KAT6A: variants seen among roughly 807,000 people sequenced by gnomAD.
The protein encoded by KAT6A is lysine acetyltransferase 6A.
In KAT6A, 9 loss-of-function variants were observed where a neutral mutation model predicts 198.4. That is an observed-to-expected ratio of 0.05 (90% CI 0.03 to 0.08). The LOEUF is 0.08. Ranked by LOEUF, KAT6A falls within the 10% of genes least tolerant of loss-of-function variation. The probability of loss-of-function intolerance (pLI) is 1.00; values close to 1 mark genes in which losing one functional copy is unlikely to be tolerated. For missense variants in KAT6A, 2,077 were observed against 2,509.9 expected (o/e 0.83, Z 3.69); for synonymous variants, 890 against 883.0 (o/e 1.01, Z -0.14).
intron 2 of KAT6A, among the ~76,000 whole-genome samples, chr8:41,999,831 T>C (rs1330936834): frequency 1.1e-4 from 16 of 152,244 alleles, no homozygotes; most frequent in Admixed American, 9.2e-4. Context: ...TTAAGCAAGT[T>C]ACTTAAGTGT....
intron 2 of KAT6A, among the ~76,000 whole-genome samples, chr8:42,036,417 C>T (rs1352219933): frequency 1.3e-5 from 2 of 152,022 alleles, no homozygotes; most frequent in Non-Finnish European, 1.5e-5. Context: ...TCAAGACCAG[C>T]CTAGCCAACA....
chr8:41,985,075 G>C (rs1402415429), intron 3 of KAT6A, among the ~76,000 whole-genome samples: 1 of 151,592 alleles, frequency 6.6e-6, no homozygotes, highest in Non-Finnish European at 1.5e-5. Flanking sequence ...CAAATATAAT[G>C]CTACTTAGAC....
intron 14 of KAT6A, chr8:41,942,568 A>G (rs1822192792): frequency 1.8e-6 from 1 of 540,966 alleles, no homozygotes. Flanking sequence ...CAAGTAACAC[A>G]TTATAAGAAA....
intron 3 of KAT6A, among the ~76,000 whole-genome samples, chr8:41,986,760 G>A (rs575670091): frequency 9.2e-5 from 14 of 152,106 alleles, no homozygotes; most frequent in East Asian, 1.9e-4. Flanking sequence ...ACATATGGCC[G>A]GGTGTGGTGG....
intron 2 of KAT6A, among the ~76,000 whole-genome samples, chr8:42,003,297 G>A (rs371793604): frequency 2.0e-5 from 3 of 152,132 alleles, no homozygotes; most frequent in African/African-American, 4.8e-5. Context: ...CAGCAGCAGG[G>A]CAAGACATCT....
At chr8:41,989,569 A>T (rs538896602) in intron 2 of KAT6A, among the ~76,000 whole-genome samples, 9 of 152,184 alleles carry the variant, frequency 5.9e-5, no homozygotes, top group African/African-American at 1.9e-4. Flanking sequence ...ACGTAACATA[A>T]CATAACTAAA....
chr8:41,998,364 T>TTC (rs1434736326), intron 2 of KAT6A, among the ~76,000 whole-genome samples: 1 of 152,170 alleles, frequency 6.6e-6, no homozygotes, highest in Non-Finnish European at 1.5e-5. Flanking sequence ...TTGGAAAGTG[T>TTC]TCATACTTTG....
chr8:41,991,388 C>T (rs1438332121), intron 2 of KAT6A, among the ~76,000 whole-genome samples: 1 of 152,032 alleles, frequency 6.6e-6, no homozygotes, highest in African/African-American at 2.4e-5. Context: ...AGAATACATC[C>T]TGTACATTTT....
rs185068001 is a variant in KAT6A, at chr8:42,049,082, C to A, written c.-105G>T. On this transcript the variant is annotated 5_prime_UTR_variant, in exon 2 of 17. Coordinates refer to ENST00000265713, the MANE Select transcript of KAT6A (RefSeq NM_006766.5). Reference sequence around the variant, plus strand: ...TTCTCGGAGGCTGGGAACCAGTTAACCATAGCATATGAGTTTTCTGGCCTA... The same window carrying A: ...TTCTCGGAGGCTGGGAACCAGTTAAACATAGCATATGAGTTTTCTGGCCTA... 1,102 of 1,244,808 alleles carry A rather than the reference C, an allele frequency of 8.9e-4. No homozygotes were observed. Among genetic ancestry groups the A allele is most frequent in the South Asian group, 1.2e-3 (81 of 68,434 alleles). 77.1% of individuals were successfully genotyped at this position (1,244,808 alleles called of 1,614,324 possible).
intron 8 of KAT6A, among the ~76,000 whole-genome samples, chr8:41,972,961 G>A (rs1401517974): frequency 6.6e-6 from 1 of 152,194 alleles, no homozygotes; most frequent in African/African-American, 2.4e-5. Flanking sequence ...TAGCATGAAA[G>A]GAAACAAGCT....
intron 2 of KAT6A, among the ~76,000 whole-genome samples, chr8:42,024,010 T>C (rs971358008): frequency 1.2e-4 from 19 of 152,298 alleles, no homozygotes; most frequent in African/African-American, 4.6e-4. Context: ...GTGGTAACAA[T>C]GCCTTCTTTT....
At chr8:41,945,872 C>T (rs1418355683) in intron 12 of KAT6A, among the ~76,000 whole-genome samples, 1 of 151,636 alleles carries the variant, frequency 6.6e-6, no homozygotes, top group East Asian at 2.0e-4. Context: ...AGTAAAAATA[C>T]AAAAAAATTA....
rs1211908618 is a variant in KAT6A, at chr8:41,994,233, G to A, written c.601-6670C>T. Among the ~76,000 whole-genome samples, 8 of 152,204 alleles carry A rather than the reference G, an allele frequency of 5.3e-5. No homozygotes were observed. The East Asian group carries it at 5.8e-4, about 11-fold the overall frequency. ...CACACCATTAAACACAGCAGCCACA[G>A]TGAATCTGTTAAAAGGTAAATCAAA... On this transcript the variant is annotated intron_variant, in intron 2 of 16. Coordinates refer to ENST00000265713, the MANE Select transcript of KAT6A (RefSeq NM_006766.5).
At position 41,946,489 on chromosome 8, in the gene KAT6A, T is replaced by C. The variant is rs572267476; in HGVS notation, c.1996+102A>G. 689 of 453,840 alleles carry C rather than the reference T, an allele frequency of 1.5e-3. 6 individuals carry two copies. The highest frequency in any genetic ancestry group is 4.5e-3 in the African/African-American group (141 of 31,346). The allele number at this position is 453,840 out of a possible 1,614,324, so 28.1% of individuals were successfully genotyped here. A position where few individuals can be genotyped will look rare whatever the true frequency, so the allele number is the denominator to read the frequency against. ...GCACCTACAAATCTTTAAATATATA[T>C]ATATACACACACACACACACACACA... On this transcript the variant is annotated intron_variant, in intron 12 of 16. Coordinates refer to ENST00000265713, the MANE Select transcript of KAT6A (RefSeq NM_006766.5).
Position 41,977,226 on chromosome 8 carries a change from CCTT to C in KAT6A, c.1142_1144del (p.Glu381del), listed in dbSNP as rs1824101016. 1.9e-6 allele frequency: 3 copies of C among 1,614,136 alleles called. No individual in the cohort carries two copies. The highest frequency in any genetic ancestry group is 2.2e-5 in the East Asian group (1 of 44,884). On this transcript the variant is annotated inframe_deletion, in exon 7 of 17. Transcript: ENST00000265713. ...CAAGCCATCTATCCGCTCTAAATAT[CCTT>C]CTTCTGATGATGATGATGCTGATTG...
At chr8:41,964,740 G>A (rs1318686693) in intron 8 of KAT6A, among the ~76,000 whole-genome samples, 1 of 151,696 alleles carries the variant, frequency 6.6e-6, no homozygotes, top group Non-Finnish European at 1.5e-5. Context: ...CCATACCCAT[G>A]ATATTTAATT....
At chr8:42,045,398 T>C (rs1433866796) in intron 2 of KAT6A, among the ~76,000 whole-genome samples, 1 of 151,844 alleles carries the variant, frequency 6.6e-6, no homozygotes, top group Non-Finnish European at 1.5e-5. Flanking sequence ...CCGTCTCTAC[T>C]AAAAATACAA....
rs1371368759 is a variant in KAT6A, at chr8:41,934,266, A to C, written c.3954T>G (p.Asp1318Glu). Reference sequence around the variant, plus strand: ...TGGACTCCAGGTGGCCATCATCCTCATCATCAGCGTCGTGGTCGTCATTCT... The same window carrying C: ...TGGACTCCAGGTGGCCATCATCCTCCTCATCAGCGTCGTGGTCGTCATTCT... ...TAQNDDHDAD[D>E]EDDGHLESTK... The change falls in exon 17 of 17, where the codon GAT becomes GAG. Residue 1318 changes from aspartate to glutamate, a missense_variant. By Grantham distance (45) the Asp-to-Glu change is conservative. Coordinates refer to ENST00000265713, the MANE Select transcript of KAT6A (RefSeq NM_006766.5). The C allele has an allele frequency of 3.1e-6, 5 of 1,613,752 alleles. No individual in the cohort carries two copies. The South Asian group carries it at 4.4e-5, about 14-fold the overall frequency.
At chr8:41,936,369 GAATT>G (rs1042915502) in intron 16 of KAT6A, among the ~76,000 whole-genome samples, 2 of 152,166 alleles carry the variant, frequency 1.3e-5, no homozygotes, top group African/African-American at 4.8e-5. Flanking sequence ...ATTTTTAAAA[GAATT>G]AAAAAGTTCA....
Sources: gnomAD v4.1 joint callset for allele counts (sites outside exome capture counted in the v4.1 genomes callset) on GRCh38, gnomAD v4.1.1 for gene constraint, MANE v1.5 for transcripts, NCBI Gene and HGNC (gene_info 2026-07-23, HGNC 2026-07-21) for gene names.